Variants in THRB observed in about 807,000 individuals in gnomAD.
THRB encodes the protein nuclear receptor subfamily 1 group A member 2.
In THRB, 12 loss-of-function variants were observed where a neutral mutation model predicts 47.8. The observed-to-expected ratio is 0.25, with a 90% CI of 0.16 to 0.41. The LOEUF (loss-of-function observed/expected upper bound fraction) is 0.41. THRB is among the 10% of genes least tolerant of loss of function. The pLI is 1.00. For missense variants in THRB, 348 were observed against 589.2 expected (o/e 0.59, Z 4.24); for synonymous variants, 218 against 212.2 (o/e 1.03, Z -0.24).
At chr3:24,146,127 C>T (rs569079761) in intron 7 of THRB, among the ~76,000 whole-genome samples, 2 of 152,228 alleles carry the variant, frequency 1.3e-5, no homozygotes, top group African/African-American at 2.4e-5. Context: ...AAACAACCAA[C>T]TGCAGGATGA....
At chr3:24,463,973 G>A (rs967463959) in intron 1 of THRB, among the ~76,000 whole-genome samples, 4 of 152,176 alleles carry the variant, frequency 2.6e-5, no homozygotes, top group Admixed American at 6.5e-5. Flanking sequence ...GCGGCTGGGC[G>A]CGGTGGCTCA....
chr3:24,293,521 C>G (rs1163512062), intron 3 of THRB, among the ~76,000 whole-genome samples: 3 of 152,166 alleles, frequency 2.0e-5, no homozygotes, highest in African/African-American at 7.2e-5. Context: ...CTCAATTAAT[C>G]AAATTGTATC....
At chr3:24,196,150 A>G (rs1244072186) in intron 4 of THRB, among the ~76,000 whole-genome samples, 3 of 152,136 alleles carry the variant, frequency 2.0e-5, no homozygotes, top group Non-Finnish European at 4.4e-5. Context: ...GTGGATGTAC[A>G]TGATGGAACT....
At chr3:24,390,248 G>A (rs1334242660) in intron 1 of THRB, among the ~76,000 whole-genome samples, 1 of 152,094 alleles carries the variant, frequency 6.6e-6, no homozygotes, top group Non-Finnish European at 1.5e-5. Context: ...AAAGAGGCAT[G>A]AGCCCTCTCC....
chr3:24,274,611 T>A (rs1422868622), intron 3 of THRB, among the ~76,000 whole-genome samples: 3 of 152,200 alleles, frequency 2.0e-5, no homozygotes, highest in African/African-American at 7.2e-5. Context: ...TTTCTTTTTT[T>A]AAATTATCAT....
intron 1 of THRB, among the ~76,000 whole-genome samples, chr3:24,476,189 C>T (rs1045826120): frequency 6.6e-6 from 1 of 152,212 alleles, no homozygotes; most frequent in Non-Finnish European, 1.5e-5. Context: ...GGTTTCACCC[C>T]ATGGACTGGT....
intron 1 of THRB, among the ~76,000 whole-genome samples, chr3:24,358,248 TG>T (rs1484871472): frequency 2.0e-5 from 3 of 152,204 alleles, no homozygotes; most frequent in African/African-American, 7.2e-5. Flanking sequence ...TATCTGACTT[TG>T]TTGATGGCAT....
chr3:24,353,586 T>A (rs1219209540), intron 1 of THRB, among the ~76,000 whole-genome samples: 8 of 152,120 alleles, frequency 5.3e-5, no homozygotes, highest in Non-Finnish European at 1.0e-4. Flanking sequence ...AGTGTGGATA[T>A]CACCAAAGGC....
At position 24,123,554 on chromosome 3, in the gene THRB, G is replaced by A. The variant is rs138196004; in HGVS notation, c.1145-429C>T. On this transcript the variant is annotated intron_variant, in intron 10 of 10. Transcript: ENST00000646209. ...AGGGGGAGATATATGAAGGGACTGG[G>A]GACATTGCAGCAGGCCTGAGGCCAA... 4.3e-3 allele frequency among the ~76,000 whole-genome samples: 662 copies of A among 152,264 alleles called. 4 individuals carry two copies. Among genetic ancestry groups the A allele is most frequent in the African/African-American group, 0.015 (633 of 41,542 alleles).
intron 5 of THRB, among the ~76,000 whole-genome samples, chr3:24,179,152 C>G (rs7652337): frequency 6.6e-6 from 1 of 152,054 alleles, no homozygotes; most frequent in Admixed American, 6.5e-5. Flanking sequence ...TGTGAAAACC[C>G]CTTAGAGACA....
At chr3:24,289,629 T>C (rs964373976) in intron 3 of THRB, among the ~76,000 whole-genome samples, 2 of 152,234 alleles carry the variant, frequency 1.3e-5, no homozygotes, top group Admixed American at 1.3e-4. Flanking sequence ...CTTGGCTTTT[T>C]ATTATAGCAG....
At chr3:24,176,671 A>G (rs573647506) in intron 5 of THRB, among the ~76,000 whole-genome samples, 1 of 152,348 alleles carries the variant, frequency 6.6e-6, no homozygotes, top group South Asian at 2.1e-4. Context: ...CAAAAACAGT[A>G]TACTAAGAGA....
At chr3:24,489,822 C>A (rs193251630) in intron 1 of THRB, among the ~76,000 whole-genome samples, 1 of 150,624 alleles carries the variant, frequency 6.6e-6, no homozygotes, top group African/African-American at 2.5e-5. Context: ...TTTGGATACT[C>A]CCCCCCACTT....
intron 1 of THRB, among the ~76,000 whole-genome samples, chr3:24,477,907 G>T (rs1469811555): frequency 6.7e-6 from 1 of 149,316 alleles, no homozygotes; most frequent in Non-Finnish European, 1.5e-5. Flanking sequence ...TGAATATGTG[G>T]ACAGCTACTA....
At chr3:24,357,302 T>A (rs560112752) in intron 1 of THRB, among the ~76,000 whole-genome samples, 1 of 129,690 alleles carries the variant, frequency 7.7e-6, no homozygotes, top group African/African-American at 2.8e-5. Flanking sequence ...AAAGTGACTT[T>A]CTCAGTCTTA....
In THRB at chr3:24,171,838, G is replaced by A. The variant is rs8180098; in HGVS notation, c.283+18236C>T. Among the ~76,000 whole-genome samples the A allele has an allele frequency of 2.5e-4, 38 of 152,134 alleles. No individual in the cohort carries two copies. The East Asian group carries it at 2.9e-3, about 12-fold the overall frequency. On this transcript the variant is annotated intron_variant, in intron 5 of 10. Coordinates refer to ENST00000646209, the MANE Select transcript of THRB (RefSeq NM_001354712.2). ...TCCTCAGTCCTGGGAGTGTTAATTA[G>A]CATGGCTCCTCCTCCCCTACCACTA...
intron 1 of THRB, among the ~76,000 whole-genome samples, chr3:24,442,300 A>G (rs1409956716): frequency 1.3e-5 from 2 of 152,194 alleles, no homozygotes; most frequent in East Asian, 3.8e-4. Flanking sequence ...TATCCTCACA[A>G]TCGGATGAGG....
chr3:24,492,181 C>A (rs560780532), intron 1 of THRB, among the ~76,000 whole-genome samples: 12 of 152,262 alleles, frequency 7.9e-5, no homozygotes, highest in Admixed American at 1.3e-4. Flanking sequence ...AAAGAGTTAT[C>A]CAGCACCTAC....
At chr3:24,176,452 A>G (rs1422431579) in intron 5 of THRB, among the ~76,000 whole-genome samples, 1 of 152,198 alleles carries the variant, frequency 6.6e-6, no homozygotes, top group African/African-American at 2.4e-5. Context: ...ATAATGAATG[A>G]ACAATTGAAT....
Sources: allele counts gnomAD v4.1 joint callset (sites outside exome capture counted in the v4.1 genomes callset), GRCh38; gene constraint gnomAD v4.1.1; transcripts MANE v1.5; gene names NCBI Gene and HGNC (gene_info 2026-07-23, HGNC 2026-07-21).